Variants in EFCAB11 observed in about 807,000 individuals in gnomAD.
EFCAB11 encodes the protein EF-hand calcium-binding domain-containing protein 11.
EFCAB11 carries 14 observed loss-of-function variants against 23.0 expected under a neutral mutation model. The ratio of observed to expected loss-of-function variants is 0.61; its 90% CI spans 0.40 to 0.95. The LOEUF (loss-of-function observed/expected upper bound fraction) is 0.95, where lower values mean the gene tolerates loss of function less well. EFCAB11 is among the 40% of genes least tolerant of loss of function. EFCAB11 has a pLI of 0.00. For synonymous variants in EFCAB11, 65 were observed against 66.6 expected, an observed-to-expected ratio of 0.98 and a Z score of 0.11; for missense variants, 198 against 195.8, an observed-to-expected ratio of 1.01 and a Z score of -0.07.
intron 5 of EFCAB11, among the ~76,000 whole-genome samples, chr14:89,808,784 G>C (rs1274756701): frequency 6.6e-6 from 1 of 152,286 alleles, no homozygotes; most frequent in East Asian, 1.9e-4. Context: ...CAAATGGAAT[G>C]ACCAAAAGGG....
intron 5 of EFCAB11, among the ~76,000 whole-genome samples, chr14:89,862,415 G>T (rs1299938745): frequency 2.0e-5 from 3 of 152,092 alleles, no homozygotes; most frequent in Non-Finnish European, 4.4e-5. Flanking sequence ...TCTGAATATA[G>T]AGGGGATTTT....
chr14:89,861,487 T>A (rs1490522486), intron 5 of EFCAB11, among the ~76,000 whole-genome samples: 3 of 152,240 alleles, frequency 2.0e-5, no homozygotes, highest in African/African-American at 4.8e-5. Flanking sequence ...AAGACCTTTC[T>A]CATCATGTCC....
intron 5 of EFCAB11, among the ~76,000 whole-genome samples, chr14:89,812,193 A>C (rs951826686): frequency 2.0e-5 from 3 of 152,362 alleles, no homozygotes; most frequent in African/African-American, 7.2e-5. Flanking sequence ...GGGGGAAAAG[A>C]TTCCATTTTT....
intron 5 of EFCAB11, among the ~76,000 whole-genome samples, chr14:89,829,355 C>T (rs1187114156): frequency 6.6e-6 from 1 of 152,124 alleles, no homozygotes; most frequent in East Asian, 1.9e-4. Context: ...TAGGTAAAGG[C>T]TAGTGCGTTA....
intron 5 of EFCAB11, among the ~76,000 whole-genome samples, chr14:89,849,814 G>T (rs1197153958): frequency 1.3e-5 from 2 of 152,100 alleles, no homozygotes; most frequent in East Asian, 3.9e-4. Context: ...GAAGAAACCA[G>T]ATACCCAAGA....
chr14:89,874,788 A>C (rs1414930932), intron 5 of EFCAB11, among the ~76,000 whole-genome samples: 1 of 152,006 alleles, frequency 6.6e-6, no homozygotes, highest in African/African-American at 2.4e-5. Context: ...GCTACTCGGG[A>C]GGCTGAGGCA....
chr14:89,885,719 G>C (rs1016054374), intron 5 of EFCAB11, among the ~76,000 whole-genome samples: 2 of 135,478 alleles, frequency 1.5e-5, no homozygotes, highest in African/African-American at 5.6e-5. Flanking sequence ...GAAAGAAAGA[G>C]AGAGAGAAAG....
At chr14:89,853,232 G>A (rs1034524449) in intron 5 of EFCAB11, among the ~76,000 whole-genome samples, 7 of 152,190 alleles carry the variant, frequency 4.6e-5, no homozygotes, top group African/African-American at 1.7e-4. Flanking sequence ...AGAAGTGCCT[G>A]AGCATACTAG....
At chr14:89,859,262 C>T (rs775182077) in intron 5 of EFCAB11, among the ~76,000 whole-genome samples, 11 of 152,126 alleles carry the variant, frequency 7.2e-5, no homozygotes, top group South Asian at 2.1e-4. Context: ...GGTTTTAGAT[C>T]TGCAAACAGA....
At chr14:89,829,181 T>C (rs749945678) in intron 5 of EFCAB11, among the ~76,000 whole-genome samples, 3 of 152,232 alleles carry the variant, frequency 2.0e-5, no homozygotes, top group Non-Finnish European at 2.9e-5. Context: ...GTGTAGGGTA[T>C]GTTCTGACGG....
rs556360573 is a variant in EFCAB11 at position 89,872,260 on chromosome 14, A to C, written c.410+59281T>G. Among the ~76,000 whole-genome samples the C allele has an allele frequency of 7.2e-5, 11 of 152,338 alleles. No individual in the cohort carries two copies. In the South Asian group the frequency reaches 2.3e-3, roughly 32 times the overall value. Reference sequence around the variant, plus strand: ...CTCCTGGCCACCTACGTTGGGTCTTAAACAATTCAGTTGATAAGACAAAGG... The same window carrying C: ...CTCCTGGCCACCTACGTTGGGTCTTCAACAATTCAGTTGATAAGACAAAGG... On this transcript the variant is annotated intron_variant, in intron 5 of 5. Coordinates refer to ENST00000316738, the MANE Select transcript of EFCAB11 (RefSeq NM_145231.4).
chr14:89,817,561 T>C (rs1886374700), intron 5 of EFCAB11, among the ~76,000 whole-genome samples: 1 of 152,070 alleles, frequency 6.6e-6, no homozygotes. Flanking sequence ...GCTTACTTTA[T>C]ACCATAAAAC....
At chr14:89,877,581 G>A (rs888860081) in intron 5 of EFCAB11, among the ~76,000 whole-genome samples, 2 of 152,070 alleles carry the variant, frequency 1.3e-5, no homozygotes, top group African/African-American at 2.4e-5. Context: ...GCAATTGTTG[G>A]TATCTTAGCA....
chr14:89,868,896 G>A lies in EFCAB11; in HGVS notation c.410+62645C>T, dbSNP rs183556323. On this transcript the variant is annotated intron_variant, in intron 5 of 5. Coordinates refer to ENST00000316738, the MANE Select transcript of EFCAB11 (RefSeq NM_145231.4). ...AACCTGCTTTCTTACAGAAACAAAT[G>A]TGTGCACACTAGGTCTCATCCTAGT... Among the ~76,000 whole-genome samples, 165 of 152,240 alleles carry A rather than the reference G, an allele frequency of 1.1e-3. 1 individual carries two copies. The highest frequency in any genetic ancestry group is 3.9e-3 in the African/African-American group (161 of 41,550).
chr14:89,891,697 A>ACACACGCACGCG (rs1257997399), intron 5 of EFCAB11, among the ~76,000 whole-genome samples: 1 of 152,172 alleles, frequency 6.6e-6, no homozygotes, highest in Admixed American at 6.5e-5. Flanking sequence ...ACACACACAC[A>ACACACGCACGCG]CACACGCACG....
intron 3 of EFCAB11, among the ~76,000 whole-genome samples, chr14:89,933,689 C>T (rs546499811): frequency 2.9e-4 from 44 of 152,292 alleles, no homozygotes; most frequent in Non-Finnish European, 6.3e-4. Context: ...AAAGAGAATA[C>T]ACATGATTCC....
intron 5 of EFCAB11, among the ~76,000 whole-genome samples, chr14:89,861,737 G>A (rs760165926): frequency 6.6e-6 from 1 of 152,142 alleles, no homozygotes; most frequent in Non-Finnish European, 1.5e-5. Flanking sequence ...TTTATAAAAA[G>A]AGGAAGAGAG....
intron 5 of EFCAB11, among the ~76,000 whole-genome samples, chr14:89,883,457 A>G (rs193194119): frequency 5.8e-4 from 89 of 152,348 alleles, no homozygotes; most frequent in Non-Finnish European, 1.0e-3. Context: ...AAAATATTGT[A>G]GTATTTGCAT....
intron 5 of EFCAB11, among the ~76,000 whole-genome samples, chr14:89,896,582 T>C (rs116929758): frequency 5.9e-5 from 9 of 152,310 alleles, no homozygotes; most frequent in Admixed American, 2.0e-4. Flanking sequence ...CAGAGAAGCA[T>C]TGCACATGGG....
Sources: allele counts gnomAD v4.1 joint callset (sites outside exome capture counted in the v4.1 genomes callset), GRCh38; gene constraint gnomAD v4.1.1; transcripts MANE v1.5; gene names NCBI Gene and HGNC (gene_info 2026-07-23, HGNC 2026-07-21).